The following GALNT17 variants were observed in gnomAD, a reference collection of about 807,000 sequenced individuals.
GALNT17 encodes the protein UDP-GalNAc:polypeptide N-acetylgalactosaminyltransferase-like 3.
In GALNT17, 29 loss-of-function variants were observed where a neutral mutation model predicts 63.7. The observed-to-expected ratio is 0.46, with a 90% CI of 0.34 to 0.62. The LOEUF (loss-of-function observed/expected upper bound fraction) is 0.62. GALNT17 is among the 20% of genes least tolerant of loss of function. The probability of loss-of-function intolerance (pLI) is 0.01; values close to 1 mark genes in which losing one functional copy is unlikely to be tolerated. For synonymous variants in GALNT17, 305 were observed against 318.3 expected (o/e 0.96, Z 0.45); for missense variants, 603 against 799.6 (o/e 0.75, Z 2.97).
chr7:71,640,951 G>T (rs1276199480), intron 6 of GALNT17, among the ~76,000 whole-genome samples: 1 of 152,170 alleles, frequency 6.6e-6, no homozygotes, highest in Non-Finnish European at 1.5e-5. Context: ...TCTTTAGCTG[G>T]TTTCTGACAG....
intron 1 of GALNT17, among the ~76,000 whole-genome samples, chr7:71,235,300 G>A (rs948741527): frequency 2.0e-5 from 3 of 152,028 alleles, no homozygotes; most frequent in Non-Finnish European, 2.9e-5. Flanking sequence ...GTTGCCCGTG[G>A]TTGAGAATCA....
chr7:71,260,275 A>C (rs1431524373), intron 1 of GALNT17, among the ~76,000 whole-genome samples: 3 of 152,156 alleles, frequency 2.0e-5, no homozygotes, highest in Non-Finnish European at 4.4e-5. Context: ...AATGATTTGC[A>C]GTGTCTCTTC....
Position 71,263,905 on chromosome 7 carries a change from T to C in GALNT17, c.239-71645T>C, listed in dbSNP as rs549475507. On this transcript the variant is annotated intron_variant, in intron 1 of 10. Transcript: ENST00000333538. ...CACCACTGCACTCCAGCCTGGGCGA[T>C]AGAGCGACATTCCGTCCCAAAAAAA... Among the ~76,000 whole-genome samples the C allele has an allele frequency of 8.2e-4, 125 of 152,222 alleles. 1 individual carries two copies. The highest frequency in any genetic ancestry group is 2.6e-3 in the African/African-American group (109 of 41,548).
At chr7:71,524,875 T>C (rs1482722729) in intron 5 of GALNT17, among the ~76,000 whole-genome samples, 1 of 152,316 alleles carries the variant, frequency 6.6e-6, no homozygotes, top group Middle Eastern at 3.4e-3. Flanking sequence ...GTCTTCACAT[T>C]GTAGCATAGA....
intron 1 of GALNT17, among the ~76,000 whole-genome samples, chr7:71,194,018 A>G (rs1789001050): frequency 1.3e-5 from 2 of 152,158 alleles, no homozygotes; most frequent in African/African-American, 4.8e-5. Context: ...CTTGTGAAGT[A>G]GGTGGTCTCT....
intron 1 of GALNT17, among the ~76,000 whole-genome samples, chr7:71,242,510 C>T (rs552580584): frequency 8.5e-5 from 13 of 152,062 alleles, no homozygotes; most frequent in East Asian, 3.9e-4. Flanking sequence ...CCTCGTGATC[C>T]GCCCTCCTCA....
At position 71,399,296 on chromosome 7, in the gene GALNT17, G is replaced by A. The variant is rs115662343; in HGVS notation, c.589+10895G>A. ...TTACCGATCAGTTTCTTTTCAAATA[G>A]CCTTCGTGCTAGTCTTCCTTATTCT... is the stretch of plus-strand genomic sequence containing the variant. On this transcript the variant is annotated intron_variant, in intron 3 of 10. Coordinates refer to ENST00000333538, the MANE Select transcript of GALNT17 (RefSeq NM_022479.3). Among the ~76,000 whole-genome samples the A allele has an allele frequency of 2.3e-3, 357 of 152,270 alleles. 1 individual carries two copies. Among genetic ancestry groups the A allele is most frequent in the African/African-American group, 8.2e-3 (339 of 41,562 alleles).
chr7:71,249,008 A>G (rs1277729959), intron 1 of GALNT17, among the ~76,000 whole-genome samples: 1 of 152,216 alleles, frequency 6.6e-6, no homozygotes, highest in Non-Finnish European at 1.5e-5. Context: ...GGCATTTAGG[A>G]GAAATTCAGT....
intron 5 of GALNT17, among the ~76,000 whole-genome samples, chr7:71,512,050 T>C (rs866974971): frequency 1.3e-5 from 2 of 149,738 alleles, no homozygotes; most frequent in Non-Finnish European, 3.0e-5. Flanking sequence ...GTTTCACTCT[T>C]GTTAACCCAG....
intron 5 of GALNT17, among the ~76,000 whole-genome samples, chr7:71,561,644 A>G (rs1017992245): frequency 1.3e-5 from 2 of 152,160 alleles, no homozygotes; most frequent in African/African-American, 4.8e-5. Flanking sequence ...CATCATCATG[A>G]TAGAATTTGG....
chr7:71,344,513 G>A (rs922592227), intron 2 of GALNT17, among the ~76,000 whole-genome samples: 7 of 152,126 alleles, frequency 4.6e-5, no homozygotes, highest in African/African-American at 1.4e-4. Flanking sequence ...TTCAGTAGAT[G>A]CCAGTAAAAG....
intron 2 of GALNT17, among the ~76,000 whole-genome samples, chr7:71,366,030 T>C (rs771112964): frequency 2.0e-5 from 3 of 152,098 alleles, no homozygotes; most frequent in Non-Finnish European, 4.4e-5. Flanking sequence ...CATAAGGAGC[T>C]CGCAACCTAG....
chr7:71,477,145 T>C (rs1421779888), intron 5 of GALNT17, among the ~76,000 whole-genome samples: 1 of 152,348 alleles, frequency 6.6e-6, no homozygotes, highest in East Asian at 1.9e-4. Context: ...ATCATCATCA[T>C]CATTATCATC....
chr7:71,262,129 G>A (rs1244161764), intron 1 of GALNT17, among the ~76,000 whole-genome samples: 4 of 151,800 alleles, frequency 2.6e-5, no homozygotes, highest in Non-Finnish European at 5.9e-5. Context: ...TATTTTTTTT[G>A]TAGGCGAGAT....
At chr7:71,671,254 G>A (rs1201892416) in intron 8 of GALNT17, among the ~76,000 whole-genome samples, 2 of 152,098 alleles carry the variant, frequency 1.3e-5, no homozygotes, top group African/African-American at 2.4e-5. Context: ...CACACAGTCA[G>A]GCCAAGGAGC....
chr7:71,355,396 T>G (rs1006543427), intron 2 of GALNT17, among the ~76,000 whole-genome samples: 9 of 152,240 alleles, frequency 5.9e-5, no homozygotes, highest in African/African-American at 1.9e-4. Context: ...TTACCATTAT[T>G]TTTTAGAAAT....
At chr7:71,232,213 A>G (rs1490851848) in intron 1 of GALNT17, among the ~76,000 whole-genome samples, 1 of 152,160 alleles carries the variant, frequency 6.6e-6, no homozygotes, top group Non-Finnish European at 1.5e-5. Context: ...GGGATCTGCC[A>G]AATCCCTGAG....
rs544061667 is a variant in GALNT17, at chr7:71,456,262, G to A, written c.962+35157G>A. Among the ~76,000 whole-genome samples, 279 of 152,198 alleles carry A rather than the reference G, an allele frequency of 1.8e-3. 1 individual carries two copies. The highest frequency in any genetic ancestry group is 3.2e-3 in the Non-Finnish European group (215 of 68,016). ...CTCCATCTCAAAAAAAAAAGATTAA[G>A]CTTTGAATAGTATGTGAGATGCCAG... On this transcript the variant is annotated intron_variant, in intron 5 of 10. Coordinates refer to ENST00000333538, the MANE Select transcript of GALNT17 (RefSeq NM_022479.3).
chr7:71,525,162 G>A (rs140320042), intron 5 of GALNT17, among the ~76,000 whole-genome samples: 3 of 152,156 alleles, frequency 2.0e-5, no homozygotes, highest in Non-Finnish European at 2.9e-5. Context: ...TTACTTTTGT[G>A]TGTGTGTGTT....
Sources: gnomAD v4.1 joint callset for allele counts (sites outside exome capture counted in the v4.1 genomes callset) on GRCh38, gnomAD v4.1.1 for gene constraint, MANE v1.5 for transcripts, NCBI Gene and HGNC (gene_info 2026-07-23, HGNC 2026-07-21) for gene names.